Variants in AVEN observed in about 807,000 individuals in gnomAD.
The protein encoded by AVEN is apoptosis and caspase activation inhibitor.
A neutral mutation model predicts 38.1 loss-of-function variants in AVEN; 41 were observed. The ratio of observed to expected loss-of-function variants is 1.08; its 90% confidence interval spans 0.84 to 1.40. AVEN has a LOEUF of 1.40. Among genes scored for constraint, AVEN ranks in the 40% most tolerant of loss-of-function variants. AVEN has a pLI of 0.00. For missense variants in AVEN, 605 were observed against 438.8 expected (o/e 1.38, Z -3.38); for synonymous variants, 206 against 171.8 (o/e 1.20, Z -1.56).
intron 1 of AVEN, among the ~76,000 whole-genome samples, chr15:34,034,280 A>T (rs1433858237): frequency 6.6e-6 from 1 of 152,030 alleles, no homozygotes; most frequent in Admixed American, 6.6e-5. Flanking sequence ...ATGTCTACAA[A>T]ATATAAAAAT....
intron 2 of AVEN, among the ~76,000 whole-genome samples, chr15:33,918,888 T>C (rs1431546352): frequency 6.6e-6 from 1 of 151,470 alleles, no homozygotes; most frequent in Non-Finnish European, 1.5e-5. Flanking sequence ...CATCTGGTCA[T>C]CAAACACATG....
upstream of AVEN, among the ~76,000 whole-genome samples, chr15:34,042,410 T>G (rs1312437059): frequency 1.3e-5 from 2 of 150,700 alleles, no homozygotes; most frequent in Non-Finnish European, 3.0e-5. Flanking sequence ...TTTTTTTTTT[T>G]TTTTTTTGAG....
chr15:33,905,479 C>T (rs1001348059), intron 2 of AVEN, among the ~76,000 whole-genome samples: 1 of 152,216 alleles, frequency 6.6e-6, no homozygotes, highest in Non-Finnish European at 1.5e-5. Context: ...ATCTGCCTAT[C>T]CCTCAATGCC....
intron 2 of AVEN, among the ~76,000 whole-genome samples, chr15:33,896,305 T>C (rs1164362334): frequency 6.6e-6 from 1 of 152,124 alleles, no homozygotes; most frequent in African/African-American, 2.4e-5. Flanking sequence ...AGATATGAAA[T>C]TAGCAGAAAA....
intron 2 of AVEN, among the ~76,000 whole-genome samples, chr15:33,879,400 T>G: frequency 1.1e-5 from 1 of 91,838 alleles, no homozygotes; most frequent in East Asian, 3.6e-4. Context: ...TGGGGACTGT[T>G]GTGGGGTGGG....
rs10152858 is a variant in AVEN at position 34,044,816 on chromosome 15, C to T, written n.1637+18106G>A. On this transcript the variant is annotated intron_variant and non_coding_transcript_variant, in intron 5 of 11. Transcript: ENST00000675287. ...CTGTAATCCCAGCACTTTGGGAGGC[C>T]GAGGCGGGAGGATCATGAGGTCAGG... Among the ~76,000 whole-genome samples, 1,335 of 152,190 alleles carry T rather than the reference C, an allele frequency of 8.8e-3. 8 individuals are homozygous for T. The highest frequency in any genetic ancestry group is 0.024 in the African/African-American group (995 of 41,520).
At chr15:33,989,590 C>T (rs1896630729) in intron 2 of AVEN, among the ~76,000 whole-genome samples, 1 of 152,080 alleles carries the variant, frequency 6.6e-6, no homozygotes, top group South Asian at 2.1e-4. Flanking sequence ...TTTCCTACCA[C>T]AATACTAACA....
chr15:33,882,289 A>C (rs943195332), intron 2 of AVEN, among the ~76,000 whole-genome samples: 23 of 152,210 alleles, frequency 1.5e-4, no homozygotes, highest in African/African-American at 5.3e-4. Flanking sequence ...GAAGGCATTT[A>C]CTGGAATCTG....
At chr15:34,062,611 G>T in intron 5 of AVEN, 6 of 895,316 alleles carry the variant, frequency 6.7e-6, no homozygotes, top group Non-Finnish European at 8.6e-6. Flanking sequence ...TCATGCTGGT[G>T]TGCGAAGCTA....
intron 2 of AVEN, among the ~76,000 whole-genome samples, chr15:33,921,995 G>A (rs930226081): frequency 3.3e-5 from 5 of 152,128 alleles, no homozygotes; most frequent in Non-Finnish European, 7.4e-5. Context: ...TAGTTAACCT[G>A]GTCAATTCTC....
chr15:33,980,852 C>T (rs1458484064), intron 2 of AVEN, among the ~76,000 whole-genome samples: 1 of 152,142 alleles, frequency 6.6e-6, no homozygotes, highest in African/African-American at 2.4e-5. Flanking sequence ...CAATACCATT[C>T]TGACTTCAAA....
At chr15:34,057,496 C>T (rs1029936822) in intron 5 of AVEN, among the ~76,000 whole-genome samples, 1 of 152,114 alleles carries the variant, frequency 6.6e-6, no homozygotes, top group Non-Finnish European at 1.5e-5. Context: ...AGTGAACATT[C>T]CCTTGTGTCA....
intron 2 of AVEN, among the ~76,000 whole-genome samples, chr15:33,877,850 G>A (rs1434343405): frequency 6.6e-6 from 1 of 152,230 alleles, no homozygotes; most frequent in Non-Finnish European, 1.5e-5. Context: ...TCAGGAGGCT[G>A]AGGCAGGAGA....
At chr15:33,857,729 AAGGTAG>A, downstream of AVEN, 1 of 1,607,924 alleles carries the variant, frequency 6.2e-7, no homozygotes, top group Middle Eastern at 1.7e-4. Flanking sequence ...TGAACCTTTC[AAGGTAG>A]AGAAGACCCC....
intron 2 of AVEN, among the ~76,000 whole-genome samples, chr15:33,983,200 GTATATATATA>G (rs769965010): frequency 2.3e-4 from 15 of 63,920 alleles, no homozygotes; most frequent in African/African-American, 9.3e-4. Context: ...GTATGTGTGT[GTATATATATA>G]TATACATATA....
At chr15:33,853,232 A>T in the AVEN span, 1 of 864,040 alleles carries the variant, frequency 1.2e-6, no homozygotes, top group Non-Finnish European at 1.8e-6. Context: ...AAGGGGTTGG[A>T]TATGAACATA....
At chr15:33,917,810 G>A (rs1597229309) in intron 2 of AVEN, among the ~76,000 whole-genome samples, 1 of 152,126 alleles carries the variant, frequency 6.6e-6, no homozygotes, top group Non-Finnish European at 1.5e-5. Context: ...AGACTCAGGG[G>A]TAAGTGTGGG....
downstream of AVEN, among the ~76,000 whole-genome samples, chr15:33,863,828 ATTGTT>A (rs1159519406): frequency 6.6e-6 from 1 of 152,254 alleles, no homozygotes; most frequent in African/African-American, 2.4e-5. Flanking sequence ...CTACCATTTT[ATTGTT>A]TTATTAGAAT....
rs562135794 is a variant in AVEN at position 33,868,660 on chromosome 15, T to C, written c.613-805A>G. Among the ~76,000 whole-genome samples the C allele has an allele frequency of 4.6e-5, 7 of 152,060 alleles. No homozygotes were observed. In the East Asian group the frequency reaches 1.3e-3, roughly 29 times the overall value. ...AGTAACAAATTCACCAAGACTCTCC[T>C]TGGTAAAAAATGCCAGACACAAAAG... On this transcript the variant is annotated intron_variant, in intron 4 of 5. Coordinates refer to ENST00000306730, the MANE Select transcript of AVEN (RefSeq NM_020371.3).
Sources: gnomAD v4.1 joint callset for allele counts (sites outside exome capture counted in the v4.1 genomes callset) on GRCh38, gnomAD v4.1.1 for gene constraint, MANE v1.5 for transcripts, NCBI Gene and HGNC (gene_info 2026-07-23, HGNC 2026-07-21) for gene names.